Variants in ANKRD11 observed in about 807,000 individuals in gnomAD.
ANKRD11 encodes the protein ankyrin repeat domain 11.
In ANKRD11, 17 loss-of-function variants were observed where a neutral mutation model predicts 195.7. That is an observed-to-expected ratio of 0.09 (90% CI 0.06 to 0.13). The LOEUF is 0.13. Among genes scored for constraint, ANKRD11 ranks in the 10% least tolerant of loss-of-function variants. The pLI, the probability that ANKRD11 is intolerant of heterozygous loss-of-function variation, is 1.00. For synonymous variants in ANKRD11, 1,953 were observed against 1,528.1 expected (o/e 1.28, Z -6.49); for missense variants, 3,735 against 3,566.1 (o/e 1.05, Z -1.21).
intron 1 of ANKRD11, among the ~76,000 whole-genome samples, chr16:89,460,797 G>A (rs2056627253): frequency 6.6e-6 from 1 of 152,140 alleles, no homozygotes; most frequent in South Asian, 2.1e-4. Context: ...TGAGGAATCT[G>A]AGCTGTGGGG....
intron 1 of ANKRD11, among the ~76,000 whole-genome samples, chr16:89,480,185 C>G (rs1171743824): frequency 6.6e-6 from 1 of 151,568 alleles, no homozygotes; most frequent in Non-Finnish European, 1.5e-5. Context: ...TTTAAAAATC[C>G]TAACTTTTAG....
chr16:89,349,134 T>TAAAAAAAAAAAAAAAAAAAAAAAAAAAA (rs59621400), intron 2 of ANKRD11, among the ~76,000 whole-genome samples: 3 of 16,578 alleles, frequency 1.8e-4, no homozygotes, highest in Non-Finnish European at 2.8e-4. Flanking sequence ...TCTCAAAAAG[T>TAAAAAAAAAAAAAAAAAAAAAAAAAAAA]AAAAAAAAAA....
rs140023344 is a variant in ANKRD11, at chr16:89,283,533, G to A, written c.3009C>T (p.His1003=). The change falls in exon 9 of 13, where the codon CAC becomes CAT. Residue 1003 remains histidine (H), a synonymous_variant. Coordinates refer to ENST00000301030, the MANE Select transcript of ANKRD11 (RefSeq NM_013275.6). The surrounding 1 kb of genome is among the most constrained non-coding windows in gnomAD (Gnocchi z 4.3). ...TCTTCTCCTTCTCTCGTGCTGGGTG[G>A]TGCCGTTCCCACGGCTCCAGGCCCT... ...FGKGLEPWER[H]HPAREKEKKD... 8.6e-5 allele frequency: 139 copies of A among 1,613,062 alleles called. No homozygotes were observed. The African/African-American group carries it at 1.7e-3, about 20-fold the overall frequency.
chr16:89,307,247 C>G (rs1356201303), intron 3 of ANKRD11, among the ~76,000 whole-genome samples: 2 of 152,226 alleles, frequency 1.3e-5, no homozygotes, highest in African/African-American at 4.8e-5. Flanking sequence ...AGATGCCCAA[C>G]TGTTCCTGGG....
chr16:89,341,460 G>A (rs972208887), intron 2 of ANKRD11, among the ~76,000 whole-genome samples: 4 of 152,210 alleles, frequency 2.6e-5, no homozygotes, highest in African/African-American at 9.6e-5. Flanking sequence ...GAAGGTTCCA[G>A]AAGGCCTGTG....
chr16:89,338,712 G>C (rs1361771859), intron 2 of ANKRD11, among the ~76,000 whole-genome samples: 2 of 94,216 alleles, frequency 2.1e-5, no homozygotes, highest in Admixed American at 1.8e-4. Context: ...GCAGCAAAGA[G>C]CAACACTCAG....
intron 1 of ANKRD11, among the ~76,000 whole-genome samples, chr16:89,424,956 G>C (rs954321950): frequency 7.2e-5 from 11 of 152,080 alleles, no homozygotes; most frequent in Non-Finnish European, 1.3e-4. Flanking sequence ...CCACATCCTG[G>C]CTGTGACGTT....
intron 2 of ANKRD11, among the ~76,000 whole-genome samples, chr16:89,337,288 GGACTTCAGGTGGCTCGGAAT>G (rs2038413901): frequency 6.6e-6 from 1 of 151,870 alleles, no homozygotes; most frequent in Admixed American, 6.6e-5. Flanking sequence ...AGAAAGGAGA[GGACTTCAGGTGGCTCGGAAT>G]CCTCCGCCAC....
chr16:89,302,832 T>A (rs2035939588), intron 4 of ANKRD11, among the ~76,000 whole-genome samples: 1 of 152,188 alleles, frequency 6.6e-6, no homozygotes, highest in East Asian at 1.9e-4. Context: ...TGTCCTCACC[T>A]AGGCCTGCCC....
rs2035059314 is a variant in ANKRD11, at chr16:89,291,454, A to T, written c.227-271T>A. Among the ~76,000 whole-genome samples, 1 of 151,776 alleles carries T rather than the reference A, an allele frequency of 6.6e-6. No individual in the cohort carries two copies. Among genetic ancestry groups the T allele is most frequent in the Non-Finnish European group, 1.5e-5 (1 of 67,942 alleles). Reference sequence around the variant, plus strand: ...CTGGGCCTCCACCGAGCATCCACTCACTCCAGGCACCTCTCCTGGGCCTCC... The same window carrying T: ...CTGGGCCTCCACCGAGCATCCACTCTCTCCAGGCACCTCTCCTGGGCCTCC... On this transcript the variant is annotated intron_variant, in intron 4 of 12. Coordinates refer to ENST00000301030, the MANE Select transcript of ANKRD11 (RefSeq NM_013275.6). This position sits in a 1 kb window ranked among gnomAD's most constrained non-coding sequence, Gnocchi z 5.3.
intron 1 of ANKRD11, among the ~76,000 whole-genome samples, chr16:89,485,492 A>G (rs1452723527): frequency 3.3e-5 from 5 of 152,148 alleles, no homozygotes; most frequent in Non-Finnish European, 7.4e-5. Context: ...TCTGTCTCAA[A>G]ACAAAACAAA....
At position 89,380,985 on chromosome 16, in the gene ANKRD11, G is replaced by A. The variant is rs570465964; in HGVS notation, c.-60+37299C>T. On this transcript the variant is annotated intron_variant, in intron 2 of 12. Transcript: ENST00000301030. ...GCTGGGCAAGGTTCTAAGGGGCTCC[G>A]AGTGAAGCCCCTGAGCACACGGTAA... Among the ~76,000 whole-genome samples the A allele has an allele frequency of 2.0e-4, 30 of 152,256 alleles. 1 individual carries two copies. In the South Asian group the frequency reaches 4.8e-3, roughly 24 times the overall value.
At chr16:89,355,679 A>C (rs1377136391) in intron 2 of ANKRD11, among the ~76,000 whole-genome samples, 1 of 152,192 alleles carries the variant, frequency 6.6e-6, no homozygotes, top group African/African-American at 2.4e-5. Flanking sequence ...AATAAGTAAA[A>C]CAAGAAAAAA....
Position 89,479,630 on chromosome 16 carries a change from GC to G in ANKRD11, c.-145+10614del, listed in dbSNP as rs1201289755. Among the ~76,000 whole-genome samples the G allele has an allele frequency of 2.1e-4, 15 of 70,736 alleles. No individual in the cohort carries two copies. In the South Asian group the frequency reaches 2.5e-3, roughly 12 times the overall value. 46.4% of individuals were successfully genotyped at this position (70,736 alleles called of 152,430 possible). ...AGCCTGGGCAACAGAGCGAAACTCCGCCCCCAAAAAAAATTAAATTAAATTT... is the reference window on the plus strand; with the variant it reads ...AGCCTGGGCAACAGAGCGAAACTCCGCCCCAAAAAAAATTAAATTAAATTT... On this transcript the variant is annotated intron_variant, in intron 1 of 12. Transcript: ENST00000301030.
intron 2 of ANKRD11, among the ~76,000 whole-genome samples, chr16:89,361,019 G>A (rs1283817134): frequency 1.3e-5 from 2 of 152,152 alleles, no homozygotes; most frequent in African/African-American, 2.4e-5. Context: ...CACAGTGAAC[G>A]ACTCCAAACC....
At chr16:89,449,948 A>C (rs1597446336) in intron 1 of ANKRD11, among the ~76,000 whole-genome samples, 1 of 152,160 alleles carries the variant, frequency 6.6e-6, no homozygotes, top group East Asian at 1.9e-4. Flanking sequence ...TGCTTCACTG[A>C]GCACCCTGAG....
At chr16:89,331,231 G>A (rs2038050648) in intron 2 of ANKRD11, among the ~76,000 whole-genome samples, 1 of 152,234 alleles carries the variant, frequency 6.6e-6, no homozygotes. Context: ...TAGGATTACA[G>A]GCATGAGCCA....
intron 2 of ANKRD11, among the ~76,000 whole-genome samples, chr16:89,341,631 C>T (rs996802050): frequency 7.2e-5 from 11 of 152,240 alleles, no homozygotes; most frequent in African/African-American, 2.7e-4. Context: ...CCCATAAATC[C>T]CACCGTTAAC....
chr16:89,300,681 A>G, intron 4 of ANKRD11: 1 of 538,376 alleles, frequency 1.9e-6, no homozygotes, highest in Non-Finnish European at 3.3e-6. Flanking sequence ...GCCGTCTCCT[A>G]TCTGAGGCAC....
Sources: gnomAD v4.1 joint callset for allele counts (sites outside exome capture counted in the v4.1 genomes callset) on GRCh38, gnomAD v4.1.1 for gene constraint, Gnocchi (gnomAD v3.1) non-coding constraint, MANE v1.5 for transcripts, NCBI Gene and HGNC (gene_info 2026-07-23, HGNC 2026-07-21) for gene names.